SLIT3: variants seen among roughly 807,000 people sequenced by gnomAD.
SLIT3 encodes the protein slit homolog 3 protein.
Under a neutral mutation model 184.0 loss-of-function variants are expected in SLIT3, and 68 were observed. The ratio of observed to expected loss-of-function variants is 0.37; its 90% CI spans 0.30 to 0.45. SLIT3 has a LOEUF of 0.45. Ranked by LOEUF, SLIT3 falls within the 20% of genes least tolerant of loss-of-function variation. SLIT3 has a pLI of 1.00. For missense variants in SLIT3, 1,707 were observed against 2,026.0 expected, an observed-to-expected ratio of 0.84 and a Z score of 3.02; for synonymous variants, 831 against 828.6, an observed-to-expected ratio of 1.00 and a Z score of -0.05.
intron 4 of SLIT3, among the ~76,000 whole-genome samples, chr5:169,010,864 G>A (rs1409962361): frequency 3.3e-5 from 5 of 150,282 alleles, no homozygotes; most frequent in African/African-American, 7.4e-5. Context: ...AGCCGAGATC[G>A]CGCCACTGCA....
intron 4 of SLIT3, among the ~76,000 whole-genome samples, chr5:169,103,331 T>C (rs1760086067): frequency 6.6e-6 from 1 of 152,242 alleles, no homozygotes; most frequent in Non-Finnish European, 1.5e-5. Context: ...AGGTTCAGGC[T>C]CCTTCTTCCA....
At chr5:169,022,789 C>T (rs896344398) in intron 4 of SLIT3, 8 of 151,984 alleles carry the variant, frequency 5.3e-5, no homozygotes, top group African/African-American at 1.9e-4. Context: ...CCAGTGTGTG[C>T]CCTGACATCC....
chr5:169,059,865 C>A (rs1232535844), intron 4 of SLIT3, among the ~76,000 whole-genome samples: 1 of 152,094 alleles, frequency 6.6e-6, no homozygotes, highest in East Asian at 1.9e-4. Flanking sequence ...ATTCTAATGC[C>A]CAAAGTGATA....
At chr5:169,002,336 A>G (rs1408211132) in intron 4 of SLIT3, among the ~76,000 whole-genome samples, 11 of 145,830 alleles carry the variant, frequency 7.5e-5, no homozygotes, top group African/African-American at 2.7e-4. Context: ...AAAAAAAAAA[A>G]AAAAAAAAAA....
rs11452806 is a variant in SLIT3, at chr5:169,181,740, C to CAAA, written c.413+11736_413+11738dup. Among the ~76,000 whole-genome samples, 206 of 141,504 alleles carry CAAA rather than the reference C, an allele frequency of 1.5e-3. 1 individual carries two copies. Among genetic ancestry groups the CAAA allele is most frequent in the African/African-American group, 3.3e-3 (123 of 37,612 alleles). 92.8% of individuals were successfully genotyped at this position (141,504 alleles called of 152,430 possible). A position where few individuals can be genotyped will look rare whatever the true frequency, so the allele number is the denominator to read the frequency against. On this transcript the variant is annotated intron_variant, in intron 4 of 35. Coordinates refer to ENST00000519560, the MANE Select transcript of SLIT3 (RefSeq NM_003062.4). ...CTGGCGACAGAGCGAGACTTCATCT[C>CAAA]AAAAAAAAAAAAAAATTATTGAAGT...
At chr5:168,683,614 TA>T (rs2113219789) in intron 32 of SLIT3, among the ~76,000 whole-genome samples, 1 of 152,270 alleles carries the variant, frequency 6.6e-6, no homozygotes, top group South Asian at 2.1e-4. Context: ...TTGTCTTTCT[TA>T]AACTAATAAA....
intron 24 of SLIT3, among the ~76,000 whole-genome samples, chr5:168,711,782 G>A (rs1045794767): frequency 2.0e-5 from 3 of 152,160 alleles, no homozygotes; most frequent in Non-Finnish European, 1.5e-5. Flanking sequence ...TGACCTGATA[G>A]TCAAACTTTA....
At chr5:168,975,689 C>T (rs568393543) in intron 4 of SLIT3, among the ~76,000 whole-genome samples, 1 of 152,210 alleles carries the variant, frequency 6.6e-6, no homozygotes, top group Non-Finnish European at 1.5e-5. Context: ...CTGTAGGATT[C>T]TGTTTCTTAC....
intron 1 of SLIT3, among the ~76,000 whole-genome samples, chr5:169,275,012 G>A (rs1766755333): frequency 1.3e-5 from 2 of 152,208 alleles, no homozygotes; most frequent in South Asian, 4.1e-4. Flanking sequence ...GCTTTGTACG[G>A]CACACAGCTG....
At chr5:169,033,258 C>A (rs1561620538) in intron 4 of SLIT3, among the ~76,000 whole-genome samples, 1 of 152,126 alleles carries the variant, frequency 6.6e-6, no homozygotes, top group Non-Finnish European at 1.5e-5. Flanking sequence ...GCACTCCAGG[C>A]TCGTCTATGT....
intron 5 of SLIT3, among the ~76,000 whole-genome samples, chr5:168,875,411 C>G (rs1333068458): frequency 6.6e-6 from 1 of 152,044 alleles, no homozygotes; most frequent in Admixed American, 6.6e-5. Context: ...GCGGGTGGAT[C>G]ACCTGAGGTC....
At chr5:168,681,670 A>G (rs1352973307) in intron 32 of SLIT3, among the ~76,000 whole-genome samples, 2 of 152,026 alleles carry the variant, frequency 1.3e-5, no homozygotes, top group African/African-American at 4.8e-5. Flanking sequence ...CCATTTCATA[A>G]CTCAGCACAG....
At chr5:168,981,820 C>A (rs1029506450) in intron 4 of SLIT3, among the ~76,000 whole-genome samples, 8 of 152,116 alleles carry the variant, frequency 5.3e-5, no homozygotes, top group African/African-American at 1.7e-4. Flanking sequence ...CATCTGGTTT[C>A]CCAAGAAACT....
intron 4 of SLIT3, among the ~76,000 whole-genome samples, chr5:168,999,540 C>G (rs1370896813): frequency 6.6e-6 from 1 of 152,136 alleles, no homozygotes; most frequent in African/African-American, 2.4e-5. Context: ...CAGATGGAGA[C>G]CAGAACATGG....
At chr5:168,819,575 G>A (rs991601743) in intron 7 of SLIT3, among the ~76,000 whole-genome samples, 1 of 152,246 alleles carries the variant, frequency 6.6e-6, no homozygotes, top group Non-Finnish European at 1.5e-5. Flanking sequence ...CAAGGAGCAT[G>A]TGTGCATGTG....
At chr5:169,149,850 G>A (rs1762053860) in intron 4 of SLIT3, among the ~76,000 whole-genome samples, 1 of 152,186 alleles carries the variant, frequency 6.6e-6, no homozygotes, top group African/African-American at 2.4e-5. Context: ...GGCATGAGAT[G>A]GCTGCAGCAG....
At chr5:169,199,247 C>T (rs1232998705) in intron 3 of SLIT3, among the ~76,000 whole-genome samples, 4 of 146,322 alleles carry the variant, frequency 2.7e-5, no homozygotes, top group African/African-American at 5.3e-5. Context: ...TTGGTCTCTG[C>T]GTGAAGACCT....
intron 4 of SLIT3, among the ~76,000 whole-genome samples, chr5:169,187,137 C>T (rs1022822394): frequency 2.8e-3 from 88 of 31,632 alleles, no homozygotes; most frequent in Non-Finnish European, 1.3e-3. Flanking sequence ...TTTTTTGAGA[C>T]GGAGTCTCAC....
At position 169,011,320 on chromosome 5, in the gene SLIT3, G is replaced by T. The variant is rs116341730; in HGVS notation, c.414-127984C>A. 2.4e-3 allele frequency among the ~76,000 whole-genome samples: 365 copies of T among 152,324 alleles called. 1 individual carries two copies. Among genetic ancestry groups the T allele is most frequent in the African/African-American group, 8.5e-3 (352 of 41,568 alleles). On this transcript the variant is annotated intron_variant, in intron 4 of 35. Coordinates refer to ENST00000519560, the MANE Select transcript of SLIT3 (RefSeq NM_003062.4). The stretch of plus-strand genomic sequence containing the variant: ...TGTAAAAAAGCCAGAACTATGAAAA[G>T]ATTTAATTTGGAGAGGTGACCATAG...
Sources: allele counts gnomAD v4.1 joint callset (sites outside exome capture counted in the v4.1 genomes callset), GRCh38; gene constraint gnomAD v4.1.1; transcripts MANE v1.5; gene names NCBI Gene and HGNC (gene_info 2026-07-23, HGNC 2026-07-21).